SH2D4B: variants seen among roughly 807,000 people sequenced by gnomAD.
SH2D4B encodes the protein SH2 domain containing 4B.
In SH2D4B, 45 loss-of-function variants were observed where a neutral mutation model predicts 61.5. The ratio of observed to expected loss-of-function variants is 0.73; its 90% CI spans 0.58 to 0.94. The LOEUF (loss-of-function observed/expected upper bound fraction) is 0.94. Among genes scored for constraint, SH2D4B ranks in the 40% least tolerant of loss-of-function variants. SH2D4B has a pLI of 0.00. For synonymous variants in SH2D4B, 224 were observed against 220.4 expected, an observed-to-expected ratio of 1.02 and a Z score of -0.14; for missense variants, 572 against 574.2, an observed-to-expected ratio of 1.00 and a Z score of 0.04.
intron 7 of SH2D4B, among the ~76,000 whole-genome samples, chr10:80,634,931 G>A (rs1388352547): frequency 6.6e-6 from 1 of 152,200 alleles, no homozygotes; most frequent in Non-Finnish European, 1.5e-5. Flanking sequence ...GCAACCCTGT[G>A]ATTAGAGAAG....
chr10:80,550,247 C>G (rs1348881443), intron 1 of SH2D4B, among the ~76,000 whole-genome samples: 1 of 152,156 alleles, frequency 6.6e-6, no homozygotes, highest in Non-Finnish European at 1.5e-5. Flanking sequence ...CCCTCAGTGA[C>G]CTGGAAGATG....
Position 80,539,176 on chromosome 10 carries a change from A to G in SH2D4B, c.184+661A>G, listed in dbSNP as rs376561926. ...TGTATGCAAAGTCATGTGCCAGTCAATCCTATGGACTGGTACACCTGTGGG... is the reference window on the plus strand; with the variant it reads ...TGTATGCAAAGTCATGTGCCAGTCAGTCCTATGGACTGGTACACCTGTGGG... On this transcript the variant is annotated intron_variant, in intron 1 of 7. Transcript: ENST00000646907. The surrounding 1 kb of genome is among the most constrained non-coding windows in gnomAD (Gnocchi z 4.9). Among the ~76,000 whole-genome samples the G allele has an allele frequency of 6.6e-6, 1 of 152,196 alleles. No individual in the cohort carries two copies. Among genetic ancestry groups the G allele is most frequent in the Non-Finnish European group, 1.5e-5 (1 of 68,040 alleles).
At chr10:80,591,816 C>T (rs1259058077) in intron 4 of SH2D4B, among the ~76,000 whole-genome samples, 3 of 152,108 alleles carry the variant, frequency 2.0e-5, no homozygotes, top group Non-Finnish European at 4.4e-5. Flanking sequence ...GGCTTTTATA[C>T]AGGCCTGCTC....
At chr10:80,548,728 G>A (rs907447971) in intron 1 of SH2D4B, among the ~76,000 whole-genome samples, 2 of 152,184 alleles carry the variant, frequency 1.3e-5, no homozygotes, top group Non-Finnish European at 2.9e-5. Context: ...TCTGCTGGCA[G>A]ATCCCCTTGG....
At chr10:80,634,105 T>A (rs1458902726) in intron 6 of SH2D4B, among the ~76,000 whole-genome samples, 180 bp from the exon 7 acceptor site, 1 of 152,146 alleles carries the variant, frequency 6.6e-6, no homozygotes, top group African/African-American at 2.4e-5. Flanking sequence ...AGATGCCCTC[T>A]CTGTGGAAGG....
At chr10:80,613,434 C>T (rs961727534) in intron 6 of SH2D4B, among the ~76,000 whole-genome samples, 2 of 152,252 alleles carry the variant, frequency 1.3e-5, no homozygotes, top group African/African-American at 2.4e-5. Context: ...AAAACAGTCA[C>T]AATGTGGTCT....
chr10:80,629,155 G>A (rs7918509), intron 6 of SH2D4B, among the ~76,000 whole-genome samples: 14,097 of 152,054 alleles, frequency 0.093, 1,252 homozygotes, highest in African/African-American at 0.23. Flanking sequence ...GCATCTGCTC[G>A]GCTTCCAATG....
chr10:80,580,040 G>A, intron 3 of SH2D4B, among the ~76,000 whole-genome samples: 1 of 152,212 alleles, frequency 6.6e-6, no homozygotes, highest in East Asian at 1.9e-4. Context: ...ATGGAGGAAT[G>A]AACAGCATAG....
At chr10:80,634,893 C>T (rs922216554) in intron 7 of SH2D4B, among the ~76,000 whole-genome samples, 2 of 152,202 alleles carry the variant, frequency 1.3e-5, no homozygotes, top group Non-Finnish European at 1.5e-5. Flanking sequence ...CCTCTAGCAG[C>T]TTCTGAGAGT....
At chr10:80,592,919 A>G (rs914979951) in intron 4 of SH2D4B, among the ~76,000 whole-genome samples, 1 of 151,374 alleles carries the variant, frequency 6.6e-6, no homozygotes, top group African/African-American at 2.4e-5. Flanking sequence ...GGGTCTTGCC[A>G]TGTTGCCCAG....
In SH2D4B at chr10:80,544,927, A is replaced by G. The variant is rs547207510; in HGVS notation, c.184+6412A>G. Among the ~76,000 whole-genome samples the G allele has an allele frequency of 2.2e-4, 33 of 152,136 alleles. 2 individuals carry two copies. In the South Asian group the frequency reaches 6.9e-3, roughly 32 times the overall value. ...TGGAATGCCCTTTCCCCAGATCCTC[A>G]TGAGGCTCTTCTGGGTCATCATTCA... is the stretch of plus-strand genomic sequence containing the variant. On this transcript the variant is annotated intron_variant, in intron 1 of 7. Transcript: ENST00000646907.
chr10:80,588,479 A>C, intron 3 of SH2D4B, 151 bp from the exon 4 acceptor site: 1 of 936,586 alleles, frequency 1.1e-6, no homozygotes, highest in Non-Finnish European at 1.6e-6. Context: ...AGTACTGGGT[A>C]ATTTCAATTT....
At chr10:80,600,447 G>A (rs1304532428) in intron 4 of SH2D4B, among the ~76,000 whole-genome samples, 1 of 152,102 alleles carries the variant, frequency 6.6e-6, no homozygotes, top group Admixed American at 6.6e-5. Flanking sequence ...GTTGGTCTGA[G>A]TTGGTGAACA....
At chr10:80,556,012 A>G (rs1185836598) in intron 1 of SH2D4B, among the ~76,000 whole-genome samples, 4 of 152,182 alleles carry the variant, frequency 2.6e-5, no homozygotes, top group Non-Finnish European at 5.9e-5. Context: ...GCTTTCCAGC[A>G]TTGTTAAGTG....
chr10:80,609,650 G>T, intron 6 of SH2D4B, 99 bp downstream of exon 6: 3 of 1,558,204 alleles, frequency 1.9e-6, no homozygotes, highest in South Asian at 2.4e-5. Context: ...TAATCAGGGG[G>T]CAGAGGACTT....
At chr10:80,559,257 A>G (rs1198023616) in intron 1 of SH2D4B, among the ~76,000 whole-genome samples, 2 of 152,078 alleles carry the variant, frequency 1.3e-5, no homozygotes, top group Non-Finnish European at 2.9e-5. Flanking sequence ...CAAATTGAAA[A>G]TTAGCTTATT....
At chr10:80,606,816 G>T (rs1589354760) in intron 5 of SH2D4B, among the ~76,000 whole-genome samples, 1 of 152,178 alleles carries the variant, frequency 6.6e-6, no homozygotes, top group Non-Finnish European at 1.5e-5. Flanking sequence ...TTCAGTGCCA[G>T]TATCTATACT....
Position 80,634,409 on chromosome 10 carries a change from A to G in SH2D4B, c.1113A>G (p.Lys371=). Reference sequence around the variant, plus strand: ...CCTACCGCCTGCAGAAAGGGTTCAAACACTTTCTTGTGGATGCTTCTGGGG... The same window carrying G: ...CCTACCGCCTGCAGAAAGGGTTCAAGCACTTTCTTGTGGATGCTTCTGGGG... ...TLSYRLQKGF[K]HFLVDASGDF... is the part of the protein sequence containing the mutation. The change falls in exon 7 of 8, where the codon AAA becomes AAG. Residue 371 remains lysine (K), a synonymous_variant. Coordinates refer to ENST00000646907, the MANE Select transcript of SH2D4B (RefSeq NM_001388272.1). The G allele has an allele frequency of 6.4e-7, 1 of 1,550,508 alleles. No individual in the cohort carries two copies. Among genetic ancestry groups the G allele is most frequent in the Non-Finnish European group, 8.7e-7 (1 of 1,146,984 alleles).
At chr10:80,587,949 T>G (rs914702849) in intron 3 of SH2D4B, among the ~76,000 whole-genome samples, 2 of 152,186 alleles carry the variant, frequency 1.3e-5, no homozygotes, top group Admixed American at 1.3e-4. Flanking sequence ...CTGTGTAGTA[T>G]TCTGTGGCAT....
Sources: gnomAD v4.1 joint callset for allele counts (sites outside exome capture counted in the v4.1 genomes callset) on GRCh38, gnomAD v4.1.1 for gene constraint, Gnocchi (gnomAD v3.1) non-coding constraint, MANE v1.5 for transcripts, NCBI Gene and HGNC (gene_info 2026-07-23, HGNC 2026-07-21) for gene names.